Variants in SMURF2 observed in about 807,000 individuals in gnomAD.
SMURF2 encodes E3 ubiquitin-protein ligase SMURF2.
A neutral mutation model predicts 109.6 loss-of-function variants in SMURF2; 48 were observed. The observed-to-expected ratio is 0.44, with a 90% CI of 0.35 to 0.56. The LOEUF (loss-of-function observed/expected upper bound fraction) is 0.56, where lower values mean the gene tolerates loss of function less well. Among genes scored for constraint, SMURF2 ranks in the 20% least tolerant of loss-of-function variants. SMURF2 has a pLI of 0.01. For missense variants in SMURF2, 575 were observed against 909.0 expected, an observed-to-expected ratio of 0.63 and a Z score of 4.72; for synonymous variants, 288 against 317.1, an observed-to-expected ratio of 0.91 and a Z score of 0.97.
chr17:64,556,936 A>T (rs2144596762), intron 13 of SMURF2, among the ~76,000 whole-genome samples: 1 of 152,332 alleles, frequency 6.6e-6, no homozygotes. Flanking sequence ...ACTATTTGAT[A>T]ACCTTCGTTT....
intron 1 of SMURF2, among the ~76,000 whole-genome samples, chr17:64,623,499 C>T (rs1285934790): frequency 3.9e-5 from 6 of 152,228 alleles, no homozygotes; most frequent in Non-Finnish European, 7.3e-5. Context: ...GTCTAATTCA[C>T]TGCATTGTTT....
At chr17:64,593,313 A>G in intron 4 of SMURF2, 127 bp downstream of exon 4, 2 of 716,356 alleles carry the variant, frequency 2.8e-6, no homozygotes, top group Non-Finnish European at 3.7e-6. Context: ...ACTCAAATAT[A>G]TATATTATTT....
chr17:64,556,557 T>C (rs778815457), intron 13 of SMURF2, among the ~76,000 whole-genome samples: 2 of 152,132 alleles, frequency 1.3e-5, no homozygotes, highest in Admixed American at 1.3e-4. Context: ...AAAGCATCTC[T>C]ATGAGGAGTA....
chr17:64,657,289 C>T (rs749162083), intron 1 of SMURF2, among the ~76,000 whole-genome samples: 52 of 151,904 alleles, frequency 3.4e-4, no homozygotes, highest in Non-Finnish European at 5.3e-4. Flanking sequence ...TTGCTAGGGG[C>T]GAGGGCATTC....
chr17:64,608,209 G>T (rs1356471684), intron 1 of SMURF2, among the ~76,000 whole-genome samples: 1 of 151,916 alleles, frequency 6.6e-6, no homozygotes, highest in Non-Finnish European at 1.5e-5. Context: ...ATGAATTACA[G>T]TTATTGGAAG....
chr17:64,577,186 AT>A (rs1390317177), intron 9 of SMURF2, among the ~76,000 whole-genome samples: 1 of 152,142 alleles, frequency 6.6e-6, no homozygotes, highest in Non-Finnish European at 1.5e-5. Flanking sequence ...GATAGACTGG[AT>A]TAAGGGCACA....
At chr17:64,635,152 T>A (rs1177534033) in intron 1 of SMURF2, among the ~76,000 whole-genome samples, 2 of 151,730 alleles carry the variant, frequency 1.3e-5, no homozygotes, top group African/African-American at 4.8e-5. Flanking sequence ...CATGGTGAAA[T>A]TCCATCTCTA....
chr17:64,658,497 TAA>T (rs1379931241), intron 1 of SMURF2, among the ~76,000 whole-genome samples: 1 of 152,230 alleles, frequency 6.6e-6, no homozygotes, highest in African/African-American at 2.4e-5. Flanking sequence ...GGGAAATTTT[TAA>T]AGTTAAACTT....
intron 10 of SMURF2, among the ~76,000 whole-genome samples, chr17:64,570,569 A>C (rs1969382965): frequency 6.6e-6 from 1 of 152,206 alleles, no homozygotes; most frequent in African/African-American, 2.4e-5. Flanking sequence ...GAGAAAAGAA[A>C]AGCAAAGGAT....
intron 10 of SMURF2, among the ~76,000 whole-genome samples, chr17:64,566,563 T>TTGG (rs1424410876): frequency 0.063 from 3,321 of 53,018 alleles, 186 homozygotes; most frequent in Admixed American, 0.14. Flanking sequence ...GCTTTCTGGT[T>TTGG]TTTTTTTTTT....
At chr17:64,556,190 CA>C (rs1387316329) in intron 13 of SMURF2, among the ~76,000 whole-genome samples, 192 bp from the exon 14 acceptor site, 1 of 152,080 alleles carries the variant, frequency 6.6e-6, no homozygotes, top group Non-Finnish European at 1.5e-5. Flanking sequence ...GCATATTACA[CA>C]GGGTAATATG....
At chr17:64,573,048 T>C (rs1449362898) in intron 9 of SMURF2, 2 of 149,540 alleles carry the variant, frequency 1.3e-5, no homozygotes, top group African/African-American at 2.5e-5. Flanking sequence ...AGAAACGACA[T>C]ACTCTGAAAG....
At chr17:64,570,901 G>T (rs1408978712) in intron 10 of SMURF2, among the ~76,000 whole-genome samples, 1 of 152,112 alleles carries the variant, frequency 6.6e-6, no homozygotes, top group African/African-American at 2.4e-5. Flanking sequence ...CCACCTCGGT[G>T]TCCTGAGTAG....
chr17:64,596,164 A>T (rs1200323248), intron 3 of SMURF2, among the ~76,000 whole-genome samples: 1 of 152,032 alleles, frequency 6.6e-6, no homozygotes, highest in Non-Finnish European at 1.5e-5. Flanking sequence ...AGTATTTTTG[A>T]TATACTGAAT....
rs568939936 is a variant in SMURF2, at chr17:64,592,153, C to A, written c.335-1004G>T. 2.5e-4 allele frequency among the ~76,000 whole-genome samples: 38 copies of A among 152,356 alleles called. 1 individual carries two copies. The highest frequency in any genetic ancestry group is 4.4e-4 in the Non-Finnish European group (30 of 68,032). On this transcript the variant is annotated intron_variant, in intron 4 of 18. Transcript: ENST00000262435. ...GCGGCATGCTCCCTTTGCCAGCAGG[C>A]CTTTGCCCTTCCTTCTCAGAGGACA...
chr17:64,553,601 T>G (rs1389001620), intron 15 of SMURF2, among the ~76,000 whole-genome samples: 1 of 152,230 alleles, frequency 6.6e-6, no homozygotes, highest in African/African-American at 2.4e-5. Context: ...ATTTGACAGC[T>G]TATGCACTTT....
intron 4 of SMURF2, among the ~76,000 whole-genome samples, chr17:64,592,432 G>A (rs1365359389): frequency 6.6e-6 from 1 of 152,016 alleles, no homozygotes; most frequent in Non-Finnish European, 1.5e-5. Flanking sequence ...AAATATCTTG[G>A]ACTAAGAACT....
At chr17:64,636,533 G>A (rs1272220666) in intron 1 of SMURF2, among the ~76,000 whole-genome samples, 2 of 151,036 alleles carry the variant, frequency 1.3e-5, no homozygotes, top group Non-Finnish European at 2.9e-5. Context: ...AACCCAGGAG[G>A]TGGAGGTTGA....
rs1165862702 is a variant in SMURF2, at chr17:64,581,790, C to T, written c.570-799G>A. Among the ~76,000 whole-genome samples, 3 of 151,774 alleles carry T rather than the reference C, an allele frequency of 2.0e-5. No homozygotes were observed. The highest frequency in any genetic ancestry group is 4.4e-5 in the Non-Finnish European group (3 of 67,962). On this transcript the variant is annotated intron_variant, in intron 7 of 18. Transcript: ENST00000262435. This position sits in a 1 kb window ranked among gnomAD's most constrained non-coding sequence, Gnocchi z 4.3. ...CGAAACCCCATCTCTACTAAAAATA[C>T]AAAAATTAGCCGGGTGTGGGGGCGG...
Sources: gnomAD v4.1 joint callset for allele counts (sites outside exome capture counted in the v4.1 genomes callset) on GRCh38, gnomAD v4.1.1 for gene constraint, Gnocchi (gnomAD v3.1) non-coding constraint, MANE v1.5 for transcripts, NCBI Gene and HGNC (gene_info 2026-07-23, HGNC 2026-07-21) for gene names.